The following NTM variants were observed in gnomAD, a reference collection of about 807,000 sequenced individuals.
The protein encoded by NTM is IgLON family member 2.
NTM carries 13 observed loss-of-function variants against 42.1 expected under a neutral mutation model. The observed-to-expected ratio is 0.31, with a 90% CI of 0.20 to 0.49. The LOEUF (loss-of-function observed/expected upper bound fraction) is 0.49. Ranked by LOEUF, NTM falls within the 20% of genes least tolerant of loss-of-function variation. The pLI, the probability that NTM is intolerant of heterozygous loss-of-function variation, is 0.99. For synonymous variants in NTM, 187 were observed against 179.2 expected (o/e 1.04, Z -0.35); for missense variants, 373 against 452.8 (o/e 0.82, Z 1.60).
At chr11:131,867,181 G>C (rs2047304401) in intron 1 of NTM, among the ~76,000 whole-genome samples, 1 of 152,216 alleles carries the variant, frequency 6.6e-6, no homozygotes, top group Admixed American at 6.5e-5. Flanking sequence ...TTTACGCTTT[G>C]TGCAGGGCTC....
intron 1 of NTM, among the ~76,000 whole-genome samples, chr11:131,442,597 A>G (rs1949710430): frequency 6.6e-6 from 1 of 152,014 alleles, no homozygotes; most frequent in Admixed American, 6.6e-5. Context: ...TGGAGTCCCA[A>G]GTCTCTATTA....
chr11:132,001,152 G>A (rs962422406), intron 2 of NTM, among the ~76,000 whole-genome samples: 10 of 152,162 alleles, frequency 6.6e-5, no homozygotes, highest in African/African-American at 1.7e-4. Context: ...GAAAAAAAGC[G>A]GCATTGTATG....
chr11:131,646,542 C>A (rs904653325), intron 1 of NTM, among the ~76,000 whole-genome samples: 1 of 152,142 alleles, frequency 6.6e-6, no homozygotes, highest in Non-Finnish European at 1.5e-5. Flanking sequence ...TATTTATATG[C>A]AGATTTTAGA....
At chr11:131,724,344 G>A (rs1298553234) in intron 1 of NTM, among the ~76,000 whole-genome samples, 1 of 152,152 alleles carries the variant, frequency 6.6e-6, no homozygotes, top group East Asian at 1.9e-4. Context: ...AATCACAGCT[G>A]TTAATTACCA....
intron 1 of NTM, among the ~76,000 whole-genome samples, chr11:131,689,027 C>G (rs570949946): frequency 4.9e-4 from 75 of 152,318 alleles, no homozygotes; most frequent in African/African-American, 1.7e-3. Context: ...TAATTTTACA[C>G]GTGCATGCCT....
At chr11:131,376,133 C>T (rs1565440541) in intron 1 of NTM, among the ~76,000 whole-genome samples, 1 of 152,174 alleles carries the variant, frequency 6.6e-6, no homozygotes, top group Non-Finnish European at 1.5e-5. Flanking sequence ...CTTCACAGTT[C>T]ACAAGGAGCC....
At chr11:132,226,337 A>G (rs4936162) in intron 4 of NTM, among the ~76,000 whole-genome samples, 17,509 of 152,114 alleles carry the variant, frequency 0.12, 1,727 homozygotes, top group African/African-American at 0.27. Flanking sequence ...AACAGTGTAA[A>G]TGTTCCTATT....
intron 4 of NTM, among the ~76,000 whole-genome samples, chr11:132,293,646 G>C (rs1344825106): frequency 2.6e-5 from 4 of 151,922 alleles, no homozygotes; most frequent in African/African-American, 9.7e-5. Context: ...TCAGCCTGCA[G>C]CCTCTTTTCT....
chr11:132,199,724 AAGTTCACT>A (rs1444792847), intron 3 of NTM, among the ~76,000 whole-genome samples: 518 of 152,168 alleles, frequency 3.4e-3, no homozygotes, highest in Non-Finnish European at 4.0e-3. Flanking sequence ...TTTTGATATA[AAGTTCACT>A]TGTAATTTTT....
At chr11:131,542,461 C>T (rs1428569777) in intron 1 of NTM, among the ~76,000 whole-genome samples, 1 of 152,180 alleles carries the variant, frequency 6.6e-6, no homozygotes, top group African/African-American at 2.4e-5. Flanking sequence ...TGTAACTAAG[C>T]AATCTTTTCT....
chr11:131,593,561 C>T (rs781632683), intron 1 of NTM, among the ~76,000 whole-genome samples: 20 of 152,172 alleles, frequency 1.3e-4, no homozygotes, highest in Non-Finnish European at 1.6e-4. Context: ...GTGGATGACA[C>T]GTTACCCCAT....
At chr11:131,695,324 C>G (rs1424238210) in intron 1 of NTM, among the ~76,000 whole-genome samples, 1 of 152,138 alleles carries the variant, frequency 6.6e-6, no homozygotes, top group Non-Finnish European at 1.5e-5. Flanking sequence ...GCAGCTCCCC[C>G]TGAGATGATG....
At chr11:132,064,260 G>A (rs879424039) in intron 2 of NTM, among the ~76,000 whole-genome samples, 5 of 152,120 alleles carry the variant, frequency 3.3e-5, no homozygotes, top group Non-Finnish European at 7.4e-5. Context: ...ATAATTTGGG[G>A]TTCAGAAGCC....
chr11:132,182,362 C>T (rs1397400624), intron 3 of NTM, among the ~76,000 whole-genome samples: 2 of 152,182 alleles, frequency 1.3e-5, no homozygotes. Flanking sequence ...GCTCCAGTGT[C>T]TGATCACCTG....
At chr11:131,897,853 G>T (rs990780918) in intron 1 of NTM, among the ~76,000 whole-genome samples, 1 of 152,120 alleles carries the variant, frequency 6.6e-6, no homozygotes, top group African/African-American at 2.4e-5. Context: ...GATATTAAAG[G>T]TTAACAGAAT....
At chr11:131,594,180 T>C (rs1286419266) in intron 1 of NTM, among the ~76,000 whole-genome samples, 1 of 152,174 alleles carries the variant, frequency 6.6e-6, no homozygotes, top group Non-Finnish European at 1.5e-5. Context: ...CACTAATAGG[T>C]CTAATTCATT....
intron 2 of NTM, among the ~76,000 whole-genome samples, chr11:131,941,504 C>T (rs2059791498): frequency 6.6e-6 from 1 of 152,152 alleles, no homozygotes; most frequent in African/African-American, 2.4e-5. Flanking sequence ...CAAAGCATTT[C>T]CTCATATTCT....
intron 1 of NTM, among the ~76,000 whole-genome samples, chr11:131,743,433 T>G (rs2081421390): frequency 6.6e-6 from 1 of 152,226 alleles, no homozygotes; most frequent in African/African-American, 2.4e-5. Context: ...GGTGTGTTTC[T>G]GCAAGAATTA....
chr11:131,937,793 T>G (rs1812636693), intron 2 of NTM, among the ~76,000 whole-genome samples: 1 of 152,202 alleles, frequency 6.6e-6, no homozygotes. Flanking sequence ...GTTAGAATTA[T>G]AATAAAGGGC....
Sources: allele counts gnomAD v4.1 joint callset (sites outside exome capture counted in the v4.1 genomes callset), GRCh38; gene constraint gnomAD v4.1.1; transcripts MANE v1.5; gene names NCBI Gene and HGNC (gene_info 2026-07-23, HGNC 2026-07-21).